Variants in NR1H2 observed in about 807,000 individuals in gnomAD.
NR1H2 encodes nuclear receptor subfamily 1 group H member 2, also known as oxysterols receptor LXR-beta.
NR1H2 carries 33 observed loss-of-function variants against 51.2 expected under a neutral mutation model. That is an observed-to-expected ratio of 0.64 (90% CI 0.49 to 0.86). NR1H2 has a LOEUF of 0.86. Among genes scored for constraint, NR1H2 ranks in the 40% least tolerant of loss-of-function variants. The pLI is 0.00. For synonymous variants in NR1H2, 310 were observed against 264.3 expected (o/e 1.17, Z -1.68); for missense variants, 592 against 639.9 (o/e 0.93, Z 0.81).
At position 50,382,124 on chromosome 19, in the gene NR1H2, CA is replaced by C; in HGVS notation, c.1187del (p.Gln396ArgfsTer27). 2 of 1,544,372 alleles carry C rather than the reference CA, an allele frequency of 1.3e-6. No individual in the cohort carries two copies. The highest frequency in any genetic ancestry group is 1.7e-6 in the Non-Finnish European group (2 of 1,146,804). ...QEPGRVEALQQPYVEALLSYT... is the reference protein window; with the variant it reads ...QEPGRVEALQXPYVEALLSYT... ...GCCGGGCCGCGTGGAGGCGTTGCAG[CA>C]GCCCTACGTGGAGGCGCTGCTGTCC... On this transcript the variant is annotated frameshift_variant, in exon 9 of 10. Coordinates refer to ENST00000253727, the MANE Select transcript of NR1H2 (RefSeq NM_007121.7). LOFTEE classifies it high-confidence loss of function.
intron 7 of NR1H2, 76 bp from the exon 8 acceptor site, chr19:50,379,704 A>AT (rs2037734577): frequency 1.2e-5 from 11 of 896,882 alleles, no homozygotes; most frequent in Non-Finnish European, 2.1e-5. Context: ...TTAGACCCCC[A>AT]TTTGGGCCAG....
chr19:50,378,560 C>G lies in NR1H2; in HGVS notation c.511C>G (p.Arg171Gly). The change falls in exon 6 of 10, where the codon CGG (arginine) becomes GGG (glycine). Residue 171 changes from arginine (R) to glycine (G), a missense_variant. By Grantham distance (125) the Arg-to-Gly change is moderately radical (BLOSUM62 -2). Coordinates refer to ENST00000253727, the MANE Select transcript of NR1H2 (RefSeq NM_007121.7). ...SEEQIRKKKIRKQQQESQSQS... is the reference protein window; with the variant it reads ...SEEQIRKKKIGKQQQESQSQS... ...AGAACAGATCCGGAAGAAGAAGATT[C>G]GGAAACAGCAGCAGGAGTCACAGTC... 8 of 1,447,848 alleles carry G rather than the reference C, an allele frequency of 5.5e-6. No individual in the cohort carries two copies. Among genetic ancestry groups the G allele is most frequent in the Non-Finnish European group, 7.3e-6 (8 of 1,102,566 alleles). The allele number at this position is 1,447,848 out of a possible 1,614,324, so 89.7% of individuals were successfully genotyped here. A position where few individuals can be genotyped will look rare whatever the true frequency, so the allele number is the denominator to read the frequency against.
At chr19:50,378,483 T>C (rs777586078) in intron 5 of NR1H2, 39 bp from the exon 6 acceptor site, 28 of 1,584,074 alleles carry the variant, frequency 1.8e-5, no homozygotes, top group Non-Finnish European at 2.2e-5. Context: ...GCCCCCCGCC[T>C]AGCCCTGGGG....
At position 50,379,868 on chromosome 19, in the gene NR1H2, TC is replaced by T; in HGVS notation, c.1018del (p.His340ThrfsTer83). 1 of 1,613,024 alleles carries T rather than the reference TC, an allele frequency of 6.2e-7. No individual in the cohort carries two copies. Among genetic ancestry groups the T allele is most frequent in the Non-Finnish European group, 8.5e-7 (1 of 1,179,028 alleles). On this transcript the variant is annotated frameshift_variant, in exon 8 of 10. Coordinates refer to ENST00000253727, the MANE Select transcript of NR1H2 (RefSeq NM_007121.7). LOFTEE classifies it high-confidence loss of function. The part of the protein sequence containing the change: ...LKDFTYSKDD[F>X]HRAGLQVEFI... ...GACTTCACCTACAGCAAGGACGACT[TC>T]CACCGTGCAGGTAGGGCCCAGGGGA...
chr19:50,379,058 C>T lies in NR1H2; in HGVS notation c.804C>T (p.Ala268=), dbSNP rs532511799. Residue 268 remains alanine (A), a synonymous_variant, in exon 7 of 10, where the codon GCC becomes GCT. Transcript: ENST00000253727. ...GAGATGCCCGCCAGCAACGCTTTGC[C>T]CACTTCACGGAGCTGGCCATCATCT... The part of the protein sequence containing the change: ...QSRDARQQRF[A]HFTELAIISV... The T allele has an allele frequency of 2.1e-5, 34 of 1,613,964 alleles. 1 individual carries two copies. In the South Asian group the frequency reaches 3.3e-4, roughly 16 times the overall value.
At position 50,382,911 on chromosome 19, in the gene NR1H2, C is replaced by CT. The variant is rs1430205084; in HGVS notation, c.*310dup. ...CAGAGGGAGGGGAGGACCCATGGCT[C>CT]TCCCCCCTAGCCCGGGAGACCAGGG... On this transcript the variant is annotated 3_prime_UTR_variant, in exon 10 of 10. Transcript: ENST00000253727. 6 of 247,024 alleles carry CT rather than the reference C, an allele frequency of 2.4e-5. No homozygotes were observed. Among genetic ancestry groups the CT allele is most frequent in the African/African-American group, 1.9e-4 (6 of 32,120 alleles). The allele number at this position is 247,024 out of a possible 1,614,324, so 15.3% of individuals were successfully genotyped here. A position where few individuals can be genotyped will look rare whatever the true frequency, so the allele number is the denominator to read the frequency against.
chr19:50,377,552 GC>G, intron 2 of NR1H2, 34 bp from the exon 3 acceptor site: 1 of 1,563,894 alleles, frequency 6.4e-7, no homozygotes, highest in East Asian at 2.2e-5. Flanking sequence ...ACCCTTCTTA[GC>G]CCCACAAGGC....
Position 50,382,744 on chromosome 19 carries a change from A to G in NR1H2, c.*142A>G. 2 of 884,596 alleles carry G rather than the reference A, an allele frequency of 2.3e-6. No homozygotes were observed. The highest frequency in any genetic ancestry group is 1.9e-5 in the South Asian group (1 of 52,828). The allele number at this position is 884,596 out of a possible 1,614,324, so 54.8% of individuals were successfully genotyped here. ...GCTCTCATCCCTTGGGATAAGCCCCAGTCCAGGTCCAGGAGGCTCCCTCCC... is the reference window on the plus strand; with the variant it reads ...GCTCTCATCCCTTGGGATAAGCCCCGGTCCAGGTCCAGGAGGCTCCCTCCC... On this transcript the variant is annotated 3_prime_UTR_variant, in exon 10 of 10. Coordinates refer to ENST00000253727, the MANE Select transcript of NR1H2 (RefSeq NM_007121.7).
At position 50,378,546 on chromosome 19, in the gene NR1H2, G is replaced by A. The variant is rs1289662808; in HGVS notation, c.497G>A (p.Arg166Gln). The A allele has an allele frequency of 3.1e-5, 48 of 1,565,988 alleles. No individual in the cohort carries two copies. The highest frequency in any genetic ancestry group is 3.9e-5 in the Non-Finnish European group (45 of 1,163,264). ...GGCGTCCTTTCTGAAGAACAGATCC[G>A]GAAGAAGAAGATTCGGAAACAGCAG... ...EQCVLSEEQIRKKKIRKQQQE... is the reference protein window; with the variant it reads ...EQCVLSEEQIQKKKIRKQQQE... The change falls in exon 6 of 10, where the codon CGG becomes CAG. Residue 166 changes from arginine (R) to glutamine (Q), a missense_variant. This residue lies in a region of NR1H2 where 316 missense variants were observed against 313.4 expected (regional missense o/e 1.01). Coordinates refer to ENST00000253727, the MANE Select transcript of NR1H2 (RefSeq NM_007121.7).
chr19:50,382,173 A>C lies in NR1H2; in HGVS notation c.1235A>C (p.Gln412Pro), dbSNP rs2037780340. 1.3e-6 allele frequency: 2 copies of C among 1,527,880 alleles called. No homozygotes were observed. The highest frequency in any genetic ancestry group is 1.2e-5 in the South Asian group (1 of 83,244). The allele number at this position is 1,527,880 out of a possible 1,614,324, so 94.6% of individuals were successfully genotyped here. The change falls in exon 9 of 10, where the codon CAG becomes CCG. Residue 412 changes from glutamine (Q) to proline (P), a missense_variant and splice_region_variant. Transcript: ENST00000253727. ...TCCTACACGCGCATCAAGAGGCCGC[A>C]GGTAGGGCCCCGCAGAGCCTCTGCG... ...LLSYTRIKRP[Q>P]DQLRFPRMLM...
At chr19:50,381,005 C>T (rs750303795) in intron 8 of NR1H2, among the ~76,000 whole-genome samples, 1 of 152,190 alleles carries the variant, frequency 6.6e-6, no homozygotes, top group Non-Finnish European at 1.5e-5. Flanking sequence ...GAGCTAGAGT[C>T]CTCTCTGTGG....
At chr19:50,376,661 C>G (rs1434058495) in intron 1 of NR1H2, 58 bp from the exon 2 acceptor site, 2 of 152,370 alleles carry the variant, frequency 1.3e-5, no homozygotes, top group Non-Finnish European at 2.9e-5. Flanking sequence ...CGCTCTGCCC[C>G]CTTCTCTCCT....
At chr19:50,381,496 T>G (rs1470552461) in intron 8 of NR1H2, among the ~76,000 whole-genome samples, 1 of 152,216 alleles carries the variant, frequency 6.6e-6, no homozygotes, top group Non-Finnish European at 1.5e-5. Flanking sequence ...CTCTCAAATG[T>G]AAGTGCTGGA....
Position 50,379,772 on chromosome 19 carries a change from G to T in NR1H2, c.928-8G>T, listed in dbSNP as rs371857003. ...GGCTCAAGCTCCCCCTCCCGCTGCC[G>T]CCCTTAGATCATGCTGCTAGAGACA... is the stretch of plus-strand genomic sequence containing the variant. On this transcript the variant is annotated splice_region_variant and splice_polypyrimidine_tract_variant and intron_variant, in intron 7 of 9. Transcript: ENST00000253727. 6.2e-7 allele frequency: 1 copy of T among 1,603,244 alleles called. No homozygotes were observed. Among genetic ancestry groups the T allele is most frequent in the South Asian group, 1.1e-5 (1 of 90,880 alleles).
chr19:50,379,272 T>A (rs1432007581), intron 7 of NR1H2, 91 bp downstream of exon 7: 2 of 1,331,184 alleles, frequency 1.5e-6, no homozygotes, highest in Admixed American at 2.3e-5. Context: ...CTTGCCGTTG[T>A]AGGATGACAT....
intron 8 of NR1H2, among the ~76,000 whole-genome samples, chr19:50,380,599 C>G (rs1198644225): frequency 6.6e-6 from 1 of 152,138 alleles, no homozygotes; most frequent in Non-Finnish European, 1.5e-5. Context: ...TTACTCCGGC[C>G]CTTTCACCAC....
In NR1H2 at chr19:50,379,675, A is replaced by G; in HGVS notation, c.928-105A>G. On this transcript the variant is annotated intron_variant, in intron 7 of 9. Coordinates refer to ENST00000253727, the MANE Select transcript of NR1H2 (RefSeq NM_007121.7). ...TGAGAGAACAGGGGGGAAGGGGACA[A>G]GGGATAATCCTGGTGAGATTAGACC... 5 of 741,870 alleles carry G rather than the reference A, an allele frequency of 6.7e-6. No homozygotes were observed. The South Asian group carries it at 7.3e-5, about 11-fold the overall frequency. The allele number at this position is 741,870 out of a possible 1,614,324, so 46.0% of individuals were successfully genotyped here.
rs567224614 is a variant in NR1H2, at chr19:50,382,916, C to T, written c.*314C>T. The T allele has an allele frequency of 9.8e-6, 2 of 203,472 alleles. No individual in the cohort carries two copies. Among genetic ancestry groups the T allele is most frequent in the Admixed American group, 8.9e-5 (1 of 11,266 alleles). The allele number at this position is 203,472 out of a possible 1,614,324, so 12.6% of individuals were successfully genotyped here. On this transcript the variant is annotated 3_prime_UTR_variant, in exon 10 of 10. Coordinates refer to ENST00000253727, the MANE Select transcript of NR1H2 (RefSeq NM_007121.7). The stretch of plus-strand genomic sequence containing the variant: ...GGAGGGGAGGACCCATGGCTCTCCC[C>T]CCTAGCCCGGGAGACCAGGGCCTTC...
In NR1H2 at chr19:50,382,194, C is replaced by G. The variant is rs1035640434; in HGVS notation, c.1236+20C>G. 1 of 1,505,370 alleles carries G rather than the reference C, an allele frequency of 6.6e-7. No homozygotes were observed. The highest frequency in any genetic ancestry group is 2.1e-5 in the Admixed American group (1 of 47,004). 93.3% of individuals were successfully genotyped at this position (1,505,370 alleles called of 1,614,324 possible). A position where few individuals can be genotyped will look rare whatever the true frequency, so the allele number is the denominator to read the frequency against. ...CCGCAGGTAGGGCCCCGCAGAGCCT[C>G]TGCGCAGAGCCAACTACGTCCCGCG... On this transcript the variant is annotated intron_variant, in intron 9 of 9. Transcript: ENST00000253727.
Sources: allele counts gnomAD v4.1 joint callset (sites outside exome capture counted in the v4.1 genomes callset), GRCh38; gene constraint gnomAD v4.1.1; regional missense constraint gnomAD v4.1.1; transcripts MANE v1.5; gene names NCBI Gene and HGNC (gene_info 2026-07-23, HGNC 2026-07-21).